Variants in PDE1C observed in about 807,000 individuals in gnomAD.
PDE1C encodes phosphodiesterase 1C, also known as dual specificity calcium/calmodulin-dependent 3',5'-cyclic nucleotide phosphodiesterase 1C.
Under a neutral mutation model 93.1 loss-of-function variants are expected in PDE1C, and 62 were observed. That is an observed-to-expected ratio of 0.67 (90% CI 0.54 to 0.82). PDE1C has a LOEUF of 0.82. PDE1C is among the 40% of genes least tolerant of loss of function. PDE1C has a pLI of 0.00. For synonymous variants in PDE1C, 325 were observed against 310.1 expected (o/e 1.05, Z -0.50); for missense variants, 742 against 884.6 (o/e 0.84, Z 2.04).
intron 11 of PDE1C, among the ~76,000 whole-genome samples, chr7:31,835,643 T>C (rs142026853): frequency 3.3e-5 from 5 of 151,922 alleles, no homozygotes; most frequent in African/African-American, 9.7e-5. Context: ...TCCAACCTTA[T>C]CCTAAATCCT....
chr7:31,784,474 C>A (rs1241211037), intron 16 of PDE1C: 1 of 152,156 alleles, frequency 6.6e-6, no homozygotes, highest in African/African-American at 2.4e-5. Flanking sequence ...CCAAAACTTT[C>A]CCATACGAAT....
At chr7:31,750,775 A>G (rs1188591513), downstream of PDE1C, among the ~76,000 whole-genome samples, 2 of 152,196 alleles carry the variant, frequency 1.3e-5, no homozygotes, top group Non-Finnish European at 1.5e-5. Context: ...TCTGTCGCCC[A>G]GGCTGGAATG....
intron 1 of PDE1C, among the ~76,000 whole-genome samples, chr7:32,253,331 T>C (rs1809526488): frequency 6.6e-6 from 1 of 152,192 alleles, no homozygotes; most frequent in Non-Finnish European, 1.5e-5. Flanking sequence ...AACAAGATCT[T>C]TTTTGTTGCT....
the PDE1C span, among the ~76,000 whole-genome samples, chr7:31,712,030 C>T: frequency 2.0e-5 from 3 of 152,218 alleles, no homozygotes; most frequent in East Asian, 3.8e-4. Flanking sequence ...GCCACTTTCT[C>T]GAGGAGAAAC....
At chr7:32,267,467 AG>A (rs1476647829) in intron 1 of PDE1C, among the ~76,000 whole-genome samples, 2 of 152,080 alleles carry the variant, frequency 1.3e-5, no homozygotes, top group African/African-American at 4.8e-5. Flanking sequence ...GTCAGGTAGA[AG>A]GGGGTGACCC....
At chr7:32,306,429 A>G (rs940137408) in intron 1 of PDE1C, among the ~76,000 whole-genome samples, 1 of 152,126 alleles carries the variant, frequency 6.6e-6, no homozygotes, top group Non-Finnish European at 1.5e-5. Context: ...ACAGTCACTA[A>G]GTCCACACAG....
chr7:31,997,334 T>C (rs557639542), intron 2 of PDE1C, among the ~76,000 whole-genome samples: 1 of 152,320 alleles, frequency 6.6e-6, no homozygotes, highest in African/African-American at 2.4e-5. Flanking sequence ...TTACACAGTA[T>C]CTGGCTAGTA....
intron 2 of PDE1C, among the ~76,000 whole-genome samples, chr7:32,011,338 G>A (rs1300709502): frequency 6.6e-6 from 1 of 152,024 alleles, no homozygotes; most frequent in Middle Eastern, 3.4e-3. Flanking sequence ...GACTACAGGT[G>A]CCCACCACTA....
At chr7:32,243,619 T>C (rs1401236373) in intron 1 of PDE1C, among the ~76,000 whole-genome samples, 1 of 152,112 alleles carries the variant, frequency 6.6e-6, no homozygotes, top group Non-Finnish European at 1.5e-5. Flanking sequence ...GAGGTGGTGA[T>C]AGTGGGATCT....
At chr7:31,766,560 C>A (rs759920762) in intron 17 of PDE1C, among the ~76,000 whole-genome samples, 14 of 152,154 alleles carry the variant, frequency 9.2e-5, no homozygotes, top group Non-Finnish European at 1.3e-4. Context: ...CCGGCAGATC[C>A]TCTCTATGAT....
intron 3 of PDE1C, among the ~76,000 whole-genome samples, chr7:32,098,809 A>G (rs1658527566): frequency 1.3e-5 from 2 of 152,178 alleles, no homozygotes; most frequent in South Asian, 2.1e-4. Flanking sequence ...CCTTGACTAT[A>G]TATTTGAAAT....
At chr7:32,251,540 C>G (rs1351294049) in intron 1 of PDE1C, among the ~76,000 whole-genome samples, 1 of 152,160 alleles carries the variant, frequency 6.6e-6, no homozygotes, top group East Asian at 1.9e-4. Flanking sequence ...AGTCCCTGTT[C>G]CAGCCACCAT....
chr7:31,706,329 T>C, the PDE1C span, among the ~76,000 whole-genome samples: 2 of 152,080 alleles, frequency 1.3e-5, no homozygotes, highest in East Asian at 3.9e-4. Context: ...AACAAAATAG[T>C]GTGGAGCCCA....
chr7:31,716,669 G>A, the PDE1C span, among the ~76,000 whole-genome samples: 15 of 152,138 alleles, frequency 9.9e-5, no homozygotes, highest in African/African-American at 3.6e-4. Context: ...AGCAAACCAC[G>A]TAGTTATATT....
At chr7:31,746,103 G>T in the PDE1C span, among the ~76,000 whole-genome samples, 6 of 152,064 alleles carry the variant, frequency 3.9e-5, no homozygotes, top group Admixed American at 3.9e-4. Context: ...TGGCAAACTT[G>T]TTCTTCATGT....
At chr7:32,152,396 C>T (rs150010895) in intron 3 of PDE1C, among the ~76,000 whole-genome samples, 2 of 152,268 alleles carry the variant, frequency 1.3e-5, no homozygotes, top group African/African-American at 4.8e-5. Flanking sequence ...GCGAAAGGCA[C>T]CAAAACAGCA....
the PDE1C span, among the ~76,000 whole-genome samples, chr7:31,617,052 G>C: frequency 6.6e-6 from 1 of 152,156 alleles, no homozygotes; most frequent in Admixed American, 6.5e-5. Context: ...CCACAGCATG[G>C]TGGTAAACAG....
At chr7:31,684,133 G>T in the PDE1C span, among the ~76,000 whole-genome samples, 16 of 152,144 alleles carry the variant, frequency 1.1e-4, no homozygotes, top group South Asian at 6.2e-4. Flanking sequence ...TGCCTTAAAA[G>T]GGGGAGGGGC....
intron 2 of PDE1C, among the ~76,000 whole-genome samples, chr7:31,881,150 T>C (rs1219447219): frequency 6.6e-6 from 1 of 152,216 alleles, no homozygotes; most frequent in Admixed American, 6.5e-5. Flanking sequence ...TTCTCAAATT[T>C]TCATCTTTTT....
Sources: allele counts gnomAD v4.1 joint callset (sites outside exome capture counted in the v4.1 genomes callset), GRCh38; gene constraint gnomAD v4.1.1; transcripts MANE v1.5; gene names NCBI Gene and HGNC (gene_info 2026-07-23, HGNC 2026-07-21).